FKBP1B: variants seen among roughly 807,000 people sequenced by gnomAD.
The protein encoded by FKBP1B is FKBP prolyl isomerase 1B, also known as peptidyl-prolyl cis-trans isomerase FKBP1B.
In FKBP1B, 4 loss-of-function variants were observed where a neutral mutation model predicts 13.5. The observed-to-expected ratio is 0.30, with a 90% CI of 0.15 to 0.68. The LOEUF is 0.68. FKBP1B is among the 30% of genes least tolerant of loss of function. The probability of loss-of-function intolerance (pLI) is 0.76; values close to 1 mark genes in which losing one functional copy is unlikely to be tolerated. For synonymous variants in FKBP1B, 54 were observed against 53.6 expected, an observed-to-expected ratio of 1.01 and a Z score of -0.03; for missense variants, 93 against 136.2, an observed-to-expected ratio of 0.68 and a Z score of 1.58.
In FKBP1B at chr2:24,059,692, G is replaced by A. The variant is rs547583106; in HGVS notation, c.86-1122G>A. ...GCAGATCACCTGAGGTCAGGAGTTCGAGACCAGCCTGGCCAACATAGCAAA... is the reference window on the plus strand; with the variant it reads ...GCAGATCACCTGAGGTCAGGAGTTCAAGACCAGCCTGGCCAACATAGCAAA... On this transcript the variant is annotated intron_variant, in intron 2 of 3. Coordinates refer to ENST00000380986, the MANE Select transcript of FKBP1B (RefSeq NM_004116.5). Among the ~76,000 whole-genome samples, 10 of 151,814 alleles carry A rather than the reference G, an allele frequency of 6.6e-5. No individual in the cohort carries two copies. The South Asian group carries it at 1.7e-3, about 25-fold the overall frequency.
At chr2:24,057,929 G>C (rs1444794167) in intron 2 of FKBP1B, among the ~76,000 whole-genome samples, 1 of 151,926 alleles carries the variant, frequency 6.6e-6, no homozygotes, top group Non-Finnish European at 1.5e-5. Flanking sequence ...AGGTGCGGTG[G>C]CTCCTGCCTA....
chr2:24,033,495 G>A, the FKBP1B span, among the ~76,000 whole-genome samples: 1 of 152,162 alleles, frequency 6.6e-6, no homozygotes, highest in Non-Finnish European at 1.5e-5. Context: ...AGTACCAAAA[G>A]TTTGGGAGGC....
chr2:24,049,770 G>T lies in FKBP1B; in HGVS notation c.-80G>T, dbSNP rs1426939745. 1.7e-6 allele frequency: 2 copies of T among 1,190,620 alleles called. No individual in the cohort carries two copies. The highest frequency in any genetic ancestry group is 1.6e-5 in the African/African-American group (1 of 63,066). The allele number at this position is 1,190,620 out of a possible 1,614,324, so 73.8% of individuals were successfully genotyped here. On this transcript the variant is annotated 5_prime_UTR_variant, in exon 1 of 4. Coordinates refer to ENST00000380986, the MANE Select transcript of FKBP1B (RefSeq NM_004116.5). Reference sequence around the variant, plus strand: ...TGGCGGCGAGGAGGCGAGCCGGAGCGACGGCGGGGCTGGGGCCGGAGCCGA... The same window carrying T: ...TGGCGGCGAGGAGGCGAGCCGGAGCTACGGCGGGGCTGGGGCCGGAGCCGA...
chr2:24,060,934 G>A lies in FKBP1B; in HGVS notation c.198+8G>A, dbSNP rs1248951819. 2 of 1,606,710 alleles carry A rather than the reference G, an allele frequency of 1.2e-6. No individual in the cohort carries two copies. The highest frequency in any genetic ancestry group is 1.7e-6 in the Non-Finnish European group (2 of 1,173,320). ...GAAGAGGGTGCAGCCCAGGTAGGATGAGGATTCGCATTAAAGGGGATCTGG... is the reference window on the plus strand; with the variant it reads ...GAAGAGGGTGCAGCCCAGGTAGGATAAGGATTCGCATTAAAGGGGATCTGG... On this transcript the variant is annotated splice_region_variant and intron_variant, in intron 3 of 3. Transcript: ENST00000380986.
At chr2:24,038,435 C>A in the FKBP1B span, 1 of 1,614,166 alleles carries the variant, frequency 6.2e-7, no homozygotes, top group Non-Finnish European at 8.5e-7. Context: ...GCCACTGCCA[C>A]TACGTGGGCT....
rs1664494616 is a variant in FKBP1B at position 24,063,457 on chromosome 2, T to C, written c.*265T>C. 1 of 431,346 alleles carries C rather than the reference T, an allele frequency of 2.3e-6. No homozygotes were observed. Among genetic ancestry groups the C allele is most frequent in the Non-Finnish European group, 4.1e-6 (1 of 242,604 alleles). 26.7% of individuals were successfully genotyped at this position (431,346 alleles called of 1,614,324 possible). ...TGATGCATGTAGTAGCCTTTCCTGA[T>C]GACAGAACACAGATCTCTTGTTCGC... On this transcript the variant is annotated 3_prime_UTR_variant, in exon 4 of 4. Coordinates refer to ENST00000380986, the MANE Select transcript of FKBP1B (RefSeq NM_004116.5).
chr2:24,063,455 G>GATTTTTTTTA lies in FKBP1B; in HGVS notation c.*265_*266insTTTTTTTAAT. The stretch of plus-strand genomic sequence containing the variant: ...TGTGATGCATGTAGTAGCCTTTCCT[G>GATTTTTTTTA]ATGACAGAACACAGATCTCTTGTTC... On this transcript the variant is annotated 3_prime_UTR_variant, in exon 4 of 4. Coordinates refer to ENST00000380986, the MANE Select transcript of FKBP1B (RefSeq NM_004116.5). 1 of 432,246 alleles carries GATTTTTTTTA rather than the reference G, an allele frequency of 2.3e-6. No individual in the cohort carries two copies. Among genetic ancestry groups the GATTTTTTTTA allele is most frequent in the Non-Finnish European group, 4.1e-6 (1 of 243,338 alleles). The allele number at this position is 432,246 out of a possible 1,614,324, so 26.8% of individuals were successfully genotyped here.
At chr2:24,062,949 CTT>C in intron 3 of FKBP1B, 113 bp from the exon 4 acceptor site, 1 of 1,471,388 alleles carries the variant, frequency 6.8e-7, no homozygotes, top group East Asian at 2.3e-5. Context: ...CATCTGAGAT[CTT>C]CAGAGTTAAC....
intron 2 of FKBP1B, among the ~76,000 whole-genome samples, chr2:24,060,480 A>C (rs1664337393): frequency 6.6e-6 from 1 of 152,324 alleles, no homozygotes; most frequent in East Asian, 1.9e-4. Context: ...TGAACCCAGG[A>C]GATGGAGGTT....
the FKBP1B span, among the ~76,000 whole-genome samples, chr2:24,041,858 CAAAAAAAAAAAAAA>C: frequency 3.2e-5 from 3 of 93,228 alleles, no homozygotes; most frequent in African/African-American, 1.2e-4. Context: ...AACTCTGTCT[CAAAAAAAAAAAAAA>C]AAAAAAAAAG....
intron 3 of FKBP1B, among the ~76,000 whole-genome samples, chr2:24,061,829 C>T: frequency 6.6e-6 from 1 of 152,114 alleles, no homozygotes; most frequent in East Asian, 1.9e-4. Context: ...CTTTCTTGGT[C>T]TGTCTGTGAA....
intron 2 of FKBP1B, among the ~76,000 whole-genome samples, chr2:24,055,585 G>A (rs115357763): frequency 2.3e-3 from 348 of 152,272 alleles, no homozygotes; most frequent in African/African-American, 7.5e-3. Flanking sequence ...GAACCACAGC[G>A]TAGGTACTCT....
At chr2:24,040,970 C>A in the FKBP1B span, among the ~76,000 whole-genome samples, 1 of 151,572 alleles carries the variant, frequency 6.6e-6, no homozygotes, top group Non-Finnish European at 1.5e-5. Context: ...GAGCTGAGAT[C>A]GTGCCATTGC....
At chr2:24,056,350 GT>G (rs1177572065) in intron 2 of FKBP1B, among the ~76,000 whole-genome samples, 91 of 135,264 alleles carry the variant, frequency 6.7e-4, no homozygotes, top group Middle Eastern at 4.4e-3. Context: ...GGGTTTTTTT[GT>G]TTTTTTTTTT....
intron 3 of FKBP1B, 64 bp downstream of exon 3, chr2:24,060,990 C>A: frequency 4.4e-6 from 5 of 1,127,906 alleles, no homozygotes; most frequent in Non-Finnish European, 6.6e-6. Context: ...AGCACTCTGC[C>A]CTCCACCTCC....
At chr2:24,057,688 A>T (rs941071023) in intron 2 of FKBP1B, among the ~76,000 whole-genome samples, 2 of 151,506 alleles carry the variant, frequency 1.3e-5, no homozygotes, top group Admixed American at 1.3e-4. Context: ...GCTAATTTTT[A>T]GTTTTTCTGT....
At position 24,062,409 on chromosome 2, in the gene FKBP1B, C is replaced by T. The variant is rs1664434908; in HGVS notation, c.199-655C>T. Among the ~76,000 whole-genome samples, 3 of 152,094 alleles carry T rather than the reference C, an allele frequency of 2.0e-5. No homozygotes were observed. The South Asian group carries it at 6.2e-4, about 31-fold the overall frequency. ...TGCCAGGCTGCTCTCGAACTCCTGA[C>T]CTCAGGTGATCCACCTGCCTCGGCC... On this transcript the variant is annotated intron_variant, in intron 3 of 3. Coordinates refer to ENST00000380986, the MANE Select transcript of FKBP1B (RefSeq NM_004116.5).
the FKBP1B span, among the ~76,000 whole-genome samples, chr2:24,037,142 T>G: frequency 6.6e-6 from 1 of 152,198 alleles, no homozygotes; most frequent in African/African-American, 2.4e-5. Flanking sequence ...ATACTCCTGC[T>G]TTCCCAAGTA....
chr2:24,054,246 C>T (rs1664018889), intron 2 of FKBP1B: 3 of 580,124 alleles, frequency 5.2e-6, no homozygotes, highest in Non-Finnish European at 9.6e-6. Flanking sequence ...GGTGGAGCCC[C>T]TGTCCCTGCT....
Sources: gnomAD v4.1 joint callset for allele counts (sites outside exome capture counted in the v4.1 genomes callset) on GRCh38, gnomAD v4.1.1 for gene constraint, MANE v1.5 for transcripts, NCBI Gene and HGNC (gene_info 2026-07-23, HGNC 2026-07-21) for gene names.